Variants in FRYL observed in about 807,000 individuals in gnomAD.
FRYL encodes the protein FRY like transcription coactivator.
Under a neutral mutation model 351.2 loss-of-function variants are expected in FRYL, and 150 were observed. That is an observed-to-expected ratio of 0.43 (90% CI 0.37 to 0.49). The LOEUF (loss-of-function observed/expected upper bound fraction) is 0.49, where lower values mean the gene tolerates loss of function less well. Ranked by LOEUF, FRYL falls within the 20% of genes least tolerant of loss-of-function variation. The probability of loss-of-function intolerance (pLI) is 0.00; values close to 1 mark genes in which losing one functional copy is unlikely to be tolerated. For synonymous variants in FRYL, 1,153 were observed against 1,257.1 expected (o/e 0.92, Z 1.75); for missense variants, 3,036 against 3,619.3 (o/e 0.84, Z 4.13).
intron 13 of FRYL, among the ~76,000 whole-genome samples, chr4:48,601,469 A>T (rs1421154541): frequency 6.6e-6 from 1 of 152,204 alleles, no homozygotes; most frequent in African/African-American, 2.4e-5. Context: ...TTCAGGACTA[A>T]GAGAGGCTGA....
chr4:48,764,782 A>G (rs1774782307), intron 1 of FRYL, among the ~76,000 whole-genome samples: 1 of 152,208 alleles, frequency 6.6e-6, no homozygotes, highest in African/African-American at 2.4e-5. Flanking sequence ...TACTCAAAGC[A>G]ATTTATAGAT....
At chr4:48,756,359 A>AC (rs1437554574) in intron 1 of FRYL, among the ~76,000 whole-genome samples, 10 of 152,086 alleles carry the variant, frequency 6.6e-5, no homozygotes, top group African/African-American at 2.2e-4. Flanking sequence ...CACATTCCTC[A>AC]CTCAAATCAC....
chr4:48,562,620 A>AT (rs1013338772), intron 32 of FRYL, among the ~76,000 whole-genome samples: 4 of 152,230 alleles, frequency 2.6e-5, no homozygotes, highest in African/African-American at 9.6e-5. Context: ...ATGGACACAT[A>AT]TTTATAAGTA....
intron 3 of FRYL, chr4:48,680,880 T>C: frequency 1.4e-6 from 1 of 713,532 alleles, no homozygotes. Flanking sequence ...TAGTTTTACT[T>C]TCCTAAAATA....
At chr4:48,699,015 T>TA (rs1319979069) in intron 2 of FRYL, among the ~76,000 whole-genome samples, 1 of 152,132 alleles carries the variant, frequency 6.6e-6, no homozygotes, top group East Asian at 1.9e-4. Context: ...ATGCTTCACA[T>TA]ATGTTACTTC....
intron 19 of FRYL, among the ~76,000 whole-genome samples, chr4:48,584,974 G>A (rs1741784889): frequency 6.6e-6 from 1 of 152,182 alleles, no homozygotes; most frequent in African/African-American, 2.4e-5. Context: ...GAACAGCAAA[G>A]CAAATTGTCA....
At position 48,563,691 on chromosome 4, in the gene FRYL, C is replaced by A. The variant is rs1238762599; in HGVS notation, c.3596+257G>T. ...TGCCACTGCACTCTAGCCTGGGTGA[C>A]AGCGAGACCATGTCTAAAAAAAAAA... On this transcript the variant is annotated intron_variant, in intron 31 of 63. Coordinates refer to ENST00000358350, the MANE Select transcript of FRYL (RefSeq NM_015030.2). Among the ~76,000 whole-genome samples the A allele has an allele frequency of 2.0e-5, 3 of 147,332 alleles. No individual in the cohort carries two copies. The Admixed American group carries it at 2.0e-4, about 10-fold the overall frequency.
chr4:48,724,187 C>T (rs1288601920), intron 1 of FRYL, among the ~76,000 whole-genome samples: 1 of 151,992 alleles, frequency 6.6e-6, no homozygotes, highest in African/African-American at 2.4e-5. Flanking sequence ...AATGTATTCA[C>T]TCCACCAATA....
intron 4 of FRYL, among the ~76,000 whole-genome samples, chr4:48,630,361 G>A (rs1752703470): frequency 6.6e-6 from 1 of 152,102 alleles, no homozygotes; most frequent in Non-Finnish European, 1.5e-5. Context: ...AACCCTTTAA[G>A]ACACATACAT....
Position 48,521,167 on chromosome 4 carries a change from AGTCAGGATG to A in FRYL, c.7561_7569del (p.His2521_Asp2523del). 1 of 1,613,632 alleles carries A rather than the reference AGTCAGGATG, an allele frequency of 6.2e-7. No homozygotes were observed. Among genetic ancestry groups the A allele is most frequent in the Non-Finnish European group, 8.5e-7 (1 of 1,179,624 alleles). On this transcript the variant is annotated inframe_deletion, in exon 55 of 64. Coordinates refer to ENST00000358350, the MANE Select transcript of FRYL (RefSeq NM_015030.2). The stretch of plus-strand genomic sequence containing the variant: ...GTGGAATCTTCAGACTGGAGAAGTA[AGTCAGGATG>A]GTCTGGTATTGTTTCATCAGTGGCA...
At chr4:48,757,566 G>A (rs1344936314) in intron 1 of FRYL, among the ~76,000 whole-genome samples, 4 of 152,024 alleles carry the variant, frequency 2.6e-5, no homozygotes, top group African/African-American at 4.8e-5. Flanking sequence ...GAGAACTACA[G>A]ACCACTGCTC....
chr4:48,552,772 G>C lies in FRYL; in HGVS notation c.4435+443C>G, dbSNP rs552729758. Among the ~76,000 whole-genome samples, 725 of 152,232 alleles carry C rather than the reference G, an allele frequency of 4.8e-3. 4 individuals are homozygous for C. Among genetic ancestry groups the C allele is most frequent in the Middle Eastern group, 0.014 (4 of 294 alleles). On this transcript the variant is annotated intron_variant, in intron 36 of 63. Coordinates refer to ENST00000358350, the MANE Select transcript of FRYL (RefSeq NM_015030.2). ...GATGGTAAAAAATAAATTATAAAGAGATAATTTAAAATATTTCTAGTTTTA... is the reference window on the plus strand; with the variant it reads ...GATGGTAAAAAATAAATTATAAAGACATAATTTAAAATATTTCTAGTTTTA...
intron 1 of FRYL, among the ~76,000 whole-genome samples, chr4:48,767,787 TG>T (rs1197892667): frequency 3.3e-5 from 5 of 152,168 alleles, no homozygotes; most frequent in African/African-American, 1.2e-4. Flanking sequence ...AGTGTGGTAG[TG>T]GTGGCAGCAG....
rs1212431718 is a variant in FRYL at position 48,535,943 on chromosome 4, C to T, written c.6394-116G>A. On this transcript the variant is annotated intron_variant, in intron 47 of 63. Coordinates refer to ENST00000358350, the MANE Select transcript of FRYL (RefSeq NM_015030.2). ...ATTTAGATGTATATTGGTTTTAATG[C>T]ATTTTACTTCAATACGTTAGAAAAG... 3.9e-6 allele frequency: 3 copies of T among 768,202 alleles called. No homozygotes were observed. The Admixed American group carries it at 1.1e-4, about 28-fold the overall frequency. 47.6% of individuals were successfully genotyped at this position (768,202 alleles called of 1,614,324 possible).
At chr4:48,598,359 T>C (rs753858751) in intron 13 of FRYL, among the ~76,000 whole-genome samples, 4 of 152,208 alleles carry the variant, frequency 2.6e-5, no homozygotes, top group Non-Finnish European at 4.4e-5. Context: ...CCATTCTCCA[T>C]GGTGTGCTTA....
chr4:48,609,643 G>A (rs1747649277), intron 8 of FRYL, 101 bp downstream of exon 8: 2 of 511,972 alleles, frequency 3.9e-6, no homozygotes, highest in Non-Finnish European at 3.4e-6. Context: ...AGGAAGATAA[G>A]AATTGCCTTG....
At chr4:48,590,215 GCT>G (rs1213100617) in intron 17 of FRYL, among the ~76,000 whole-genome samples, 2 of 152,156 alleles carry the variant, frequency 1.3e-5, no homozygotes, top group Admixed American at 6.5e-5. Context: ...GAGCATGGTG[GCT>G]CACGTCTGTA....
chr4:48,712,779 A>T (rs1768251201), intron 1 of FRYL, among the ~76,000 whole-genome samples: 1 of 152,228 alleles, frequency 6.6e-6, no homozygotes, highest in African/African-American at 2.4e-5. Flanking sequence ...CATAATTGTC[A>T]GATTCACCAA....
At chr4:48,675,975 G>A (rs1339008145) in intron 3 of FRYL, among the ~76,000 whole-genome samples, 8 of 152,184 alleles carry the variant, frequency 5.3e-5, no homozygotes, top group Admixed American at 3.9e-4. Context: ...AGCTGCTCTG[G>A]TGGGGCCTTG....
Sources: gnomAD v4.1 joint callset for allele counts (sites outside exome capture counted in the v4.1 genomes callset) on GRCh38, gnomAD v4.1.1 for gene constraint, MANE v1.5 for transcripts, NCBI Gene and HGNC (gene_info 2026-07-23, HGNC 2026-07-21) for gene names.